Variants in XKR6 observed in about 807,000 individuals in gnomAD.
The protein encoded by XKR6 is XK related 6, also known as XK-related protein 6.
In XKR6, 22 loss-of-function variants were observed where a neutral mutation model predicts 56.7. The ratio of observed to expected loss-of-function variants is 0.39; its 90% CI spans 0.28 to 0.55. XKR6 has a LOEUF of 0.55. Among genes scored for constraint, XKR6 ranks in the 20% least tolerant of loss-of-function variants. The pLI, the probability that XKR6 is intolerant of heterozygous loss-of-function variation, is 0.66. For missense variants in XKR6, 852 were observed against 889.0 expected, an observed-to-expected ratio of 0.96 and a Z score of 0.53; for synonymous variants, 524 against 387.8, an observed-to-expected ratio of 1.35 and a Z score of -4.13.
intron 1 of XKR6, among the ~76,000 whole-genome samples, chr8:11,191,108 A>G (rs1490653521): frequency 6.6e-6 from 1 of 152,184 alleles, no homozygotes; most frequent in African/African-American, 2.4e-5. Flanking sequence ...GTTTCTCTAA[A>G]ATGAACACGA....
intron 1 of XKR6, among the ~76,000 whole-genome samples, chr8:10,945,308 A>G (rs1213261718): frequency 6.6e-6 from 1 of 152,170 alleles, no homozygotes; most frequent in Non-Finnish European, 1.5e-5. Context: ...ACATGGTGAA[A>G]CCCTGTCTCT....
chr8:11,043,178 C>T (rs1799327378), intron 1 of XKR6, among the ~76,000 whole-genome samples: 1 of 151,594 alleles, frequency 6.6e-6, no homozygotes, highest in African/African-American at 2.4e-5. Flanking sequence ...ACTTAATTAT[C>T]ATAAATAATA....
chr8:11,196,495 C>T (rs1803898275), intron 1 of XKR6, among the ~76,000 whole-genome samples: 1 of 152,158 alleles, frequency 6.6e-6, no homozygotes, highest in Non-Finnish European at 1.5e-5. Flanking sequence ...AGTGCATACC[C>T]TTGAGTACAC....
intron 1 of XKR6, among the ~76,000 whole-genome samples, chr8:10,931,771 T>C (rs1801056720): frequency 6.6e-6 from 1 of 152,076 alleles, no homozygotes; most frequent in African/African-American, 2.4e-5. Context: ...GCAGGAGTGG[T>C]TCTGTACCTT....
At chr8:11,174,525 T>C (rs982412658) in intron 1 of XKR6, among the ~76,000 whole-genome samples, 4 of 152,242 alleles carry the variant, frequency 2.6e-5, no homozygotes, top group Non-Finnish European at 4.4e-5. Flanking sequence ...TGAAGGCTAG[T>C]AGTTACTCAA....
chr8:11,111,472 T>C (rs1563143674), intron 1 of XKR6, among the ~76,000 whole-genome samples: 1 of 152,210 alleles, frequency 6.6e-6, no homozygotes, highest in African/African-American at 2.4e-5. Flanking sequence ...GACTGAAATT[T>C]TGTCTTTACT....
At chr8:11,147,181 T>C (rs1396426720) in intron 1 of XKR6, among the ~76,000 whole-genome samples, 1 of 152,156 alleles carries the variant, frequency 6.6e-6, no homozygotes, top group African/African-American at 2.4e-5. Flanking sequence ...ATGGTGTTAA[T>C]GGTTCCAAGG....
Position 11,139,075 on chromosome 8 carries a change from T to C in XKR6, c.764+61501A>G, listed in dbSNP as rs80264049. ...AGTTCTCTAACCCACTCTATGGCAA[T>C]TTCAGAATAAAACCATTAACCTTTA... On this transcript the variant is annotated intron_variant, in intron 1 of 2. Coordinates refer to ENST00000416569, the MANE Select transcript of XKR6 (RefSeq NM_173683.4). Among the ~76,000 whole-genome samples, 27 of 152,310 alleles carry C rather than the reference T, an allele frequency of 1.8e-4. No individual in the cohort carries two copies. In the East Asian group the frequency reaches 4.8e-3, roughly 27 times the overall value.
intron 1 of XKR6, among the ~76,000 whole-genome samples, chr8:11,132,304 T>G (rs557000365): frequency 6.6e-6 from 1 of 152,222 alleles, no homozygotes; most frequent in South Asian, 2.1e-4. Context: ...TATTCTACAG[T>G]CTGTACTAGT....
At chr8:11,043,428 C>T (rs1290180955) in intron 1 of XKR6, among the ~76,000 whole-genome samples, 2 of 152,208 alleles carry the variant, frequency 1.3e-5, no homozygotes, top group African/African-American at 4.8e-5. Flanking sequence ...GGAGCCGACC[C>T]TGACCTCTTC....
chr8:11,086,032 G>A (rs191076996), intron 1 of XKR6, among the ~76,000 whole-genome samples: 2 of 151,926 alleles, frequency 1.3e-5, no homozygotes, highest in East Asian at 3.9e-4. Context: ...CTTGGCAGGG[G>A]GCCCGAGTGC....
At chr8:10,920,436 AC>A (rs910134828) in intron 2 of XKR6, among the ~76,000 whole-genome samples, 2 of 152,238 alleles carry the variant, frequency 1.3e-5, no homozygotes, top group Non-Finnish European at 2.9e-5. Flanking sequence ...CTAATGTCAA[AC>A]AACTGTCAAG....
intron 1 of XKR6, among the ~76,000 whole-genome samples, chr8:10,929,425 G>C (rs1800994909): frequency 1.3e-5 from 2 of 152,250 alleles, no homozygotes. Flanking sequence ...AAGTAGCTGA[G>C]CAGGGCTTCA....
chr8:10,950,867 C>T (rs1316640617), intron 1 of XKR6, among the ~76,000 whole-genome samples: 1 of 152,192 alleles, frequency 6.6e-6, no homozygotes, highest in Non-Finnish European at 1.5e-5. Flanking sequence ...CAAAGCCTCA[C>T]AATTGCCCAT....
chr8:10,900,916 A>G (rs1207983731), intron 2 of XKR6, among the ~76,000 whole-genome samples: 1 of 145,040 alleles, frequency 6.9e-6, no homozygotes, highest in African/African-American at 2.6e-5. Context: ...GTGCAGAGGC[A>G]TAATCATTGC....
At chr8:11,144,556 T>C (rs1240128789) in intron 1 of XKR6, among the ~76,000 whole-genome samples, 3 of 152,006 alleles carry the variant, frequency 2.0e-5, no homozygotes, top group African/African-American at 7.2e-5. Context: ...GTAATGATTT[T>C]GACTAACGAG....
intron 1 of XKR6, among the ~76,000 whole-genome samples, chr8:10,956,720 C>A (rs935017396): frequency 6.6e-6 from 1 of 152,158 alleles, no homozygotes; most frequent in African/African-American, 2.4e-5. Context: ...GGGCTGGAGC[C>A]AATAATCACA....
At chr8:11,124,832 C>G (rs542786724) in intron 1 of XKR6, 7 of 151,970 alleles carry the variant, frequency 4.6e-5, no homozygotes, top group Admixed American at 4.6e-4. Flanking sequence ...CGCCTGTAAT[C>G]CCAGCACTTT....
At position 11,121,637 on chromosome 8, in the gene XKR6, G is replaced by C. The variant is rs536918587; in HGVS notation, c.764+78939C>G. On this transcript the variant is annotated intron_variant, in intron 1 of 2. Coordinates refer to ENST00000416569, the MANE Select transcript of XKR6 (RefSeq NM_173683.4). Reference sequence around the variant, plus strand: ...TGGAAGTCAGTGTGGCGATTCCTCAGGGATCTAGAACGGGAAACACCATTT... The same window carrying C: ...TGGAAGTCAGTGTGGCGATTCCTCACGGATCTAGAACGGGAAACACCATTT... Among the ~76,000 whole-genome samples, 10 of 152,326 alleles carry C rather than the reference G, an allele frequency of 6.6e-5. No individual in the cohort carries two copies. In the East Asian group the frequency reaches 1.9e-3, roughly 29 times the overall value.
Sources: allele counts gnomAD v4.1 joint callset (sites outside exome capture counted in the v4.1 genomes callset), GRCh38; gene constraint gnomAD v4.1.1; transcripts MANE v1.5; gene names NCBI Gene and HGNC (gene_info 2026-07-23, HGNC 2026-07-21).